CDKAL1: variants seen among roughly 807,000 people sequenced by gnomAD.
CDKAL1 encodes CDKAL1 threonylcarbamoyladenosine tRNA methylthiotransferase.
In CDKAL1, 32 loss-of-function variants were observed where a neutral mutation model predicts 68.2. The ratio of observed to expected loss-of-function variants is 0.47; its 90% CI spans 0.35 to 0.63. CDKAL1 has a LOEUF of 0.63. Ranked by LOEUF, CDKAL1 falls within the 30% of genes least tolerant of loss-of-function variation. The pLI is 0.00. For missense variants in CDKAL1, 606 were observed against 696.7 expected, an observed-to-expected ratio of 0.87 and a Z score of 1.47; for synonymous variants, 234 against 244.3, an observed-to-expected ratio of 0.96 and a Z score of 0.39.
chr6:21,074,985 C>T (rs1024063389), intron 12 of CDKAL1, among the ~76,000 whole-genome samples: 1 of 151,758 alleles, frequency 6.6e-6, no homozygotes, highest in African/African-American at 2.4e-5. Flanking sequence ...CTCCCCACTT[C>T]TGAGTCTCCA....
intron 13 of CDKAL1, among the ~76,000 whole-genome samples, chr6:21,110,913 G>A (rs1055951949): frequency 2.0e-5 from 3 of 152,144 alleles, no homozygotes; most frequent in African/African-American, 7.2e-5. Context: ...AAGTTACTGT[G>A]AGCTATGACT....
At chr6:21,021,573 T>C (rs1768670455) in intron 11 of CDKAL1, among the ~76,000 whole-genome samples, 1 of 152,130 alleles carries the variant, frequency 6.6e-6, no homozygotes, top group Non-Finnish European at 1.5e-5. Context: ...GAACGTACAG[T>C]TCAGTGGGCA....
intron 9 of CDKAL1, among the ~76,000 whole-genome samples, chr6:20,907,724 C>T (rs980268877): frequency 6.6e-6 from 1 of 152,108 alleles, no homozygotes; most frequent in Non-Finnish European, 1.5e-5. Flanking sequence ...GTTGGGGCAT[C>T]AGAGGAGTCA....
At chr6:20,980,382 C>T (rs1331965747) in intron 10 of CDKAL1, among the ~76,000 whole-genome samples, 2 of 151,986 alleles carry the variant, frequency 1.3e-5, no homozygotes, top group African/African-American at 4.8e-5. Flanking sequence ...AGACTACAGG[C>T]GCCCGCCACC....
chr6:20,595,342 C>T (rs1045787956), intron 4 of CDKAL1, among the ~76,000 whole-genome samples: 3 of 152,110 alleles, frequency 2.0e-5, no homozygotes, highest in Non-Finnish European at 4.4e-5. Context: ...CACATAGTCC[C>T]ATAGTTCTTG....
intron 5 of CDKAL1, among the ~76,000 whole-genome samples, chr6:20,688,398 T>C (rs1209372696): frequency 6.6e-6 from 1 of 152,190 alleles, no homozygotes; most frequent in Non-Finnish European, 1.5e-5. Flanking sequence ...CTCATTGTTC[T>C]TGAATATTCT....
intron 5 of CDKAL1, among the ~76,000 whole-genome samples, chr6:20,678,204 T>C (rs1770210088): frequency 6.6e-6 from 1 of 152,044 alleles, no homozygotes; most frequent in South Asian, 2.1e-4. Context: ...CTCAGGTTGG[T>C]TTTATGTTAT....
chr6:21,068,425 G>A (rs911250627), intron 12 of CDKAL1, among the ~76,000 whole-genome samples: 8 of 151,900 alleles, frequency 5.3e-5, no homozygotes, highest in Non-Finnish European at 1.2e-4. Context: ...GGAAGTTCAC[G>A]TTTGTTTTGG....
chr6:20,956,549 AT>A (rs1488803355), intron 10 of CDKAL1, among the ~76,000 whole-genome samples: 2 of 152,192 alleles, frequency 1.3e-5, no homozygotes, highest in South Asian at 4.1e-4. Flanking sequence ...AATAACTTTT[AT>A]TTTTTTCAAG....
At chr6:20,806,439 A>T (rs1343743836) in intron 8 of CDKAL1, among the ~76,000 whole-genome samples, 1 of 152,220 alleles carries the variant, frequency 6.6e-6, no homozygotes, top group African/African-American at 2.4e-5. Flanking sequence ...TGCGCTGAAC[A>T]TACATGTTTC....
intron 11 of CDKAL1, among the ~76,000 whole-genome samples, chr6:21,058,534 T>G (rs1770961546): frequency 6.6e-6 from 1 of 152,246 alleles, no homozygotes. Context: ...TATTGTTATG[T>G]TTGAATCTGA....
rs111377115 is a variant in CDKAL1, at chr6:20,612,047, C to G, written c.287-37246C>G. On this transcript the variant is annotated intron_variant, in intron 4 of 15. Transcript: ENST00000274695. ...TTTATTTCACTTAATGTAATGATTT[C>G]CAGTTCCATTCATGTTGCTGCAAAT... 8.9e-3 allele frequency among the ~76,000 whole-genome samples: 1,354 copies of G among 152,266 alleles called. 26 individuals carry two copies. The highest frequency in any genetic ancestry group is 0.03 in the African/African-American group (1,238 of 41,552).
chr6:20,862,260 G>T (rs192947820), intron 9 of CDKAL1, among the ~76,000 whole-genome samples: 1 of 152,294 alleles, frequency 6.6e-6, no homozygotes, highest in Admixed American at 6.5e-5. Context: ...CATGTAAGCC[G>T]TTATATCACG....
chr6:21,040,492 TA>T lies in CDKAL1; in HGVS notation c.1056-24553del, dbSNP rs549725869. Among the ~76,000 whole-genome samples, 239 of 151,640 alleles carry T rather than the reference TA, an allele frequency of 1.6e-3. 1 individual carries two copies. Among genetic ancestry groups the T allele is most frequent in the African/African-American group, 5.3e-3 (219 of 41,414 alleles). On this transcript the variant is annotated intron_variant, in intron 11 of 15. Transcript: ENST00000274695. ...CAGGAAAATGTAGATCAGAAAGGGGTAAATAATAGGTTATTACCAATTAGAT... is the reference window on the plus strand; with the variant it reads ...CAGGAAAATGTAGATCAGAAAGGGGTAATAATAGGTTATTACCAATTAGAT...
intron 10 of CDKAL1, among the ~76,000 whole-genome samples, chr6:20,983,825 TCTC>T (rs1561936329): frequency 6.6e-6 from 1 of 152,206 alleles, no homozygotes; most frequent in Non-Finnish European, 1.5e-5. Flanking sequence ...TTTCTACTCT[TCTC>T]CCACTCCCAG....
chr6:20,601,142 T>C (rs570137156), intron 4 of CDKAL1, among the ~76,000 whole-genome samples: 2 of 152,248 alleles, frequency 1.3e-5, no homozygotes, highest in Admixed American at 6.5e-5. Flanking sequence ...ACTGAGAAAA[T>C]CAGTGTTATT....
intron 8 of CDKAL1, among the ~76,000 whole-genome samples, chr6:20,816,118 T>A (rs1236132538): frequency 6.2e-5 from 3 of 48,242 alleles, no homozygotes; most frequent in African/African-American, 9.6e-5. Context: ...GGCCTTAATA[T>A]GTCCCCCCCC....
At chr6:20,683,725 A>T (rs1258737700) in intron 5 of CDKAL1, among the ~76,000 whole-genome samples, 1 of 152,160 alleles carries the variant, frequency 6.6e-6, no homozygotes. Flanking sequence ...CATCATTATC[A>T]ATCACCCAGA....
chr6:21,123,186 T>C (rs1774816294), intron 13 of CDKAL1, among the ~76,000 whole-genome samples: 1 of 152,100 alleles, frequency 6.6e-6, no homozygotes, highest in Non-Finnish European at 1.5e-5. Context: ...GGGCACGGCA[T>C]TGGGATACCT....
Sources: allele counts gnomAD v4.1 joint callset (sites outside exome capture counted in the v4.1 genomes callset), GRCh38; gene constraint gnomAD v4.1.1; transcripts MANE v1.5; gene names NCBI Gene and HGNC (gene_info 2026-07-23, HGNC 2026-07-21).